Variants in BAG3 observed in about 807,000 individuals in gnomAD.
BAG3 encodes the protein BAG family molecular chaperone regulator 3.
In BAG3, 14 loss-of-function variants were observed where a neutral mutation model predicts 40.5. The observed-to-expected ratio is 0.35, with a 90% CI of 0.23 to 0.54. BAG3 has a LOEUF of 0.54. Ranked by LOEUF, BAG3 falls within the 20% of genes least tolerant of loss-of-function variation. The pLI, the probability that BAG3 is intolerant of heterozygous loss-of-function variation, is 0.91. For synonymous variants in BAG3, 302 were observed against 307.8 expected (o/e 0.98, Z 0.20); for missense variants, 788 against 758.6 (o/e 1.04, Z -0.46).
intron 1 of BAG3, among the ~76,000 whole-genome samples, chr10:119,658,370 G>T (rs1035863143): frequency 2.0e-5 from 3 of 152,184 alleles, no homozygotes; most frequent in African/African-American, 7.2e-5. Context: ...TTCTGACAGC[G>T]CTCCATGCCG....
intron 3 of BAG3, among the ~76,000 whole-genome samples, chr10:119,675,088 T>C (rs573913372): frequency 3.0e-4 from 46 of 152,292 alleles, no homozygotes; most frequent in Middle Eastern, 3.4e-3. Flanking sequence ...TCCTAGCACT[T>C]TGGGAGGCCG....
intron 2 of BAG3, among the ~76,000 whole-genome samples, chr10:119,670,521 G>A (rs1056351108): frequency 7.9e-5 from 12 of 152,358 alleles, no homozygotes; most frequent in Admixed American, 2.6e-4. Context: ...CCTGCCTTCT[G>A]GCGCCTAATT....
chr10:119,674,834 G>C (rs930722360), intron 3 of BAG3, among the ~76,000 whole-genome samples: 1 of 151,856 alleles, frequency 6.6e-6, no homozygotes, highest in East Asian at 1.9e-4. Context: ...AGTTAACCAG[G>C]CATGTTGGTG....
chr10:119,663,609 C>T (rs1167124576), intron 1 of BAG3, among the ~76,000 whole-genome samples: 1 of 152,118 alleles, frequency 6.6e-6, no homozygotes, highest in African/African-American at 2.4e-5. Flanking sequence ...CCACCGGACC[C>T]GGGCCCTCCT....
chr10:119,677,611 A>G lies in BAG3; in HGVS notation c.*329A>G, dbSNP rs1847259585. 6 of 393,758 alleles carry G rather than the reference A, an allele frequency of 1.5e-5. No individual in the cohort carries two copies. Among genetic ancestry groups the G allele is most frequent in the African/African-American group, 4.0e-5 (2 of 49,806 alleles). 24.4% of individuals were successfully genotyped at this position (393,758 alleles called of 1,614,324 possible). ...TTTTGTAGCTCTGGACTGGAGGGGT[A>G]GATGGGGAGTCAATTACCCATCACA... On this transcript the variant is annotated 3_prime_UTR_variant, in exon 4 of 4. Transcript: ENST00000369085.
intron 3 of BAG3, among the ~76,000 whole-genome samples, chr10:119,675,836 T>TTCCC (rs1368324815): frequency 3.0e-5 from 1 of 33,232 alleles, no homozygotes; most frequent in Non-Finnish European, 5.9e-5. Flanking sequence ...CCCTTCCCCC[T>TTCCC]TCCCTCCTTC....
At chr10:119,673,828 C>T (rs1847184328) in intron 3 of BAG3, among the ~76,000 whole-genome samples, 1 of 152,196 alleles carries the variant, frequency 6.6e-6, no homozygotes, top group East Asian at 1.9e-4. Flanking sequence ...TTTCTTCTCT[C>T]GTATATTATT....
At chr10:119,657,155 G>A (rs1340942795) in intron 1 of BAG3, among the ~76,000 whole-genome samples, 2 of 152,068 alleles carry the variant, frequency 1.3e-5, no homozygotes, top group Admixed American at 6.6e-5. Context: ...TTAGGAGATG[G>A]GCCCGACTCT....
intron 1 of BAG3, among the ~76,000 whole-genome samples, chr10:119,662,130 C>G (rs1846999738): frequency 1.3e-5 from 2 of 151,978 alleles, no homozygotes; most frequent in South Asian, 4.2e-4. Context: ...TCACTGCAAC[C>G]TCTGCCTCCT....
At position 119,651,459 on chromosome 10, in the gene BAG3, C is replaced by G. The variant is rs1846837076; in HGVS notation, c.-217C>G. On this transcript the variant is annotated 5_prime_UTR_variant, in exon 1 of 4. The change creates a new upstream start codon in the 5' untranslated region. Coordinates refer to ENST00000369085, the MANE Select transcript of BAG3 (RefSeq NM_004281.4). ...CCGGCCAGTTGCTACCTCCCTTTAT[C>G]TCCTCCTTCCCCTCTGGCAGCGAGG... is the stretch of plus-strand genomic sequence containing the variant. 4.4e-5 allele frequency: 19 copies of G among 434,404 alleles called. No homozygotes were observed. In the South Asian group the frequency reaches 9.4e-4, roughly 22 times the overall value. The allele number at this position is 434,404 out of a possible 1,614,324, so 26.9% of individuals were successfully genotyped here. A position where few individuals can be genotyped will look rare whatever the true frequency, so the allele number is the denominator to read the frequency against.
Position 119,676,537 on chromosome 10 carries a change from T to A in BAG3, c.983T>A (p.Val328Asp). 1 of 1,613,920 alleles carries A rather than the reference T, an allele frequency of 6.2e-7. No individual in the cohort carries two copies. The highest frequency in any genetic ancestry group is 8.5e-7 in the Non-Finnish European group (1 of 1,179,988). The part of the protein sequence containing the change: ...ENKPESKPGP[V>D]GPELPPGHIP... ...AAACCAGAAAGTAAGCCAGGCCCAG[T>A]TGGACCAGAACTCCCTCCTGGACAC... is the stretch of plus-strand genomic sequence containing the variant. Residue 328 changes from valine to aspartate, a missense_variant, in exon 4 of 4, where the codon GTT becomes GAT. Val to Asp is a radical substitution (Grantham distance 152, BLOSUM62 -3). Transcript: ENST00000369085.
chr10:119,659,979 A>T (rs1846970462), intron 1 of BAG3, among the ~76,000 whole-genome samples: 1 of 152,008 alleles, frequency 6.6e-6, no homozygotes, highest in Non-Finnish European at 1.5e-5. Context: ...AGCTAACTTC[A>T]TGTGACCTTG....
At chr10:119,652,006 A>G (rs1205486585) in intron 1 of BAG3, 151 bp downstream of exon 1, 2 of 619,044 alleles carry the variant, frequency 3.2e-6, no homozygotes, top group Non-Finnish European at 4.3e-6. Context: ...GCCCCGCCAC[A>G]CACTCCCGCT....
chr10:119,668,828 G>A (rs1847102081), intron 1 of BAG3, among the ~76,000 whole-genome samples: 1 of 152,210 alleles, frequency 6.6e-6, no homozygotes, highest in African/African-American at 2.4e-5. Flanking sequence ...AGATTTATTC[G>A]GGGCCATCAA....
In BAG3 at chr10:119,676,764, G is replaced by A. The variant is rs1165453591; in HGVS notation, c.1210G>A (p.Glu404Lys). The change falls in exon 4 of 4, where the codon GAA becomes AAA. Residue 404 changes from glutamate (E) to lysine (K), a missense_variant. Transcript: ENST00000369085. ...ERAAPSTAPA[E>K]ATPPKPGEAE... ...GGCAGCCCCCAGCACTGCCCCTGCA[G>A]AAGCTACACCTCCAAAACCAGGAGA... 1 of 1,614,124 alleles carries A rather than the reference G, an allele frequency of 6.2e-7. No homozygotes were observed. Among genetic ancestry groups the A allele is most frequent in the Admixed American group, 1.7e-5 (1 of 60,000 alleles).
chr10:119,674,455 A>C (rs895186310), intron 3 of BAG3, among the ~76,000 whole-genome samples: 1 of 152,166 alleles, frequency 6.6e-6, no homozygotes, highest in Non-Finnish European at 1.5e-5. Context: ...TGTTCTTACC[A>C]TTAACCGTGT....
chr10:119,655,284 A>C (rs1483219206), intron 1 of BAG3, among the ~76,000 whole-genome samples: 3 of 152,182 alleles, frequency 2.0e-5, no homozygotes, highest in Non-Finnish European at 4.4e-5. Context: ...GGTGGCTGGC[A>C]GTGCGAGAGT....
In BAG3 at chr10:119,672,301, C is replaced by T. The variant is rs730880054; in HGVS notation, c.554C>T (p.Ser185Leu). 104 of 1,613,870 alleles carry T rather than the reference C, an allele frequency of 6.4e-5. No homozygotes were observed. Among genetic ancestry groups the T allele is most frequent in the Non-Finnish European group, 8.0e-5 (94 of 1,180,038 alleles). Residue 185 changes from serine to leucine, a missense_variant, in exon 3 of 4, where the codon TCG becomes TTG. Transcript: ENST00000369085. This position sits in a 1 kb window ranked among gnomAD's most constrained non-coding sequence, Gnocchi z 4.8. ...AASDCSSSSS[S>L]ASLPSSGRSS... ...TCTGACTGCTCATCCTCATCCTCCT[C>T]GGCCAGCCTGCCTTCCTCCGGCAGG...
chr10:119,665,536 C>T (rs1199679991), intron 1 of BAG3, among the ~76,000 whole-genome samples: 1 of 151,898 alleles, frequency 6.6e-6, no homozygotes, highest in African/African-American at 2.4e-5. Context: ...GCCTCGGCCT[C>T]CCAAAGTGCT....
Sources: allele counts gnomAD v4.1 joint callset (sites outside exome capture counted in the v4.1 genomes callset), GRCh38; gene constraint gnomAD v4.1.1; non-coding constraint Gnocchi (gnomAD v3.1); transcripts MANE v1.5; gene names NCBI Gene and HGNC (gene_info 2026-07-23, HGNC 2026-07-21).